Variants in NR1H4 observed in about 807,000 individuals in gnomAD.
The protein encoded by NR1H4 is nuclear receptor subfamily 1 group H member 4.
In NR1H4, 23 loss-of-function variants were observed where a neutral mutation model predicts 58.5. That is an observed-to-expected ratio of 0.39 (90% CI 0.28 to 0.56). The LOEUF (loss-of-function observed/expected upper bound fraction) is 0.56, where lower values mean the gene tolerates loss of function less well. Ranked by LOEUF, NR1H4 falls within the 20% of genes least tolerant of loss-of-function variation. The pLI, the probability that NR1H4 is intolerant of heterozygous loss-of-function variation, is 0.58. For synonymous variants in NR1H4, 214 were observed against 198.0 expected, an observed-to-expected ratio of 1.08 and a Z score of -0.68; for missense variants, 487 against 576.9, an observed-to-expected ratio of 0.84 and a Z score of 1.60.
intron 1 of NR1H4, among the ~76,000 whole-genome samples, chr12:100,474,303 C>G (rs1193274668): frequency 1.3e-5 from 2 of 152,242 alleles, no homozygotes; most frequent in African/African-American, 2.4e-5. Context: ...TAGAAATACT[C>G]TTTTAACATT....
chr12:100,543,252 A>T (rs1240529184), intron 9 of NR1H4, among the ~76,000 whole-genome samples: 1 of 152,166 alleles, frequency 6.6e-6, no homozygotes, highest in East Asian at 1.9e-4. Flanking sequence ...GAATAAAAGA[A>T]TCAGATGATT....
At chr12:100,526,556 T>G (rs1954563099) in intron 4 of NR1H4, among the ~76,000 whole-genome samples, 1 of 152,210 alleles carries the variant, frequency 6.6e-6, no homozygotes, top group Admixed American at 6.5e-5. Context: ...GGTCTATGTT[T>G]GAGAATACTC....
At chr12:100,534,073 T>C (rs1954758179) in intron 5 of NR1H4, among the ~76,000 whole-genome samples, 1 of 151,926 alleles carries the variant, frequency 6.6e-6, no homozygotes, top group Admixed American at 6.6e-5. Flanking sequence ...ATTTTTTGTA[T>C]TTTTAGTAGA....
At chr12:100,518,929 A>C (rs909103104) in intron 4 of NR1H4, among the ~76,000 whole-genome samples, 1 of 151,784 alleles carries the variant, frequency 6.6e-6, no homozygotes, top group East Asian at 1.9e-4. Context: ...CTGGGATTAC[A>C]GGCACCAGCC....
In NR1H4 at chr12:100,533,245, C is replaced by T. The variant is rs142561361; in HGVS notation, c.598+635C>T. ...AATTGGAATGCATGCTAGTATATAA[C>T]ATAATTAATTTTTCATTCTGCAAAT... On this transcript the variant is annotated intron_variant, in intron 5 of 10. Coordinates refer to ENST00000392986, the MANE Select transcript of NR1H4 (RefSeq NM_001206979.2). Among the ~76,000 whole-genome samples the T allele has an allele frequency of 1.7e-3, 252 of 152,304 alleles. 4 individuals carry two copies. The highest frequency in any genetic ancestry group is 0.013 in the East Asian group (67 of 5,188).
At chr12:100,556,817 C>T (rs541955229) in intron 9 of NR1H4, among the ~76,000 whole-genome samples, 2 of 152,222 alleles carry the variant, frequency 1.3e-5, no homozygotes, top group East Asian at 3.9e-4. Context: ...GTACTTCCTG[C>T]ACAGGATTGT....
At chr12:100,520,699 C>G (rs1954393215) in intron 4 of NR1H4, among the ~76,000 whole-genome samples, 2 of 152,192 alleles carry the variant, frequency 1.3e-5, no homozygotes, top group East Asian at 1.9e-4. Context: ...CAGCAAAACT[C>G]CACAATCCCG....
At chr12:100,490,344 T>G (rs1464494357) in intron 1 of NR1H4, among the ~76,000 whole-genome samples, 2 of 152,094 alleles carry the variant, frequency 1.3e-5, no homozygotes, top group Non-Finnish European at 2.9e-5. Flanking sequence ...GGCTCAAGGT[T>G]AAAAAAGACA....
At chr12:100,511,633 A>AG (rs1311317107) in intron 4 of NR1H4, among the ~76,000 whole-genome samples, 1 of 152,218 alleles carries the variant, frequency 6.6e-6, no homozygotes, top group East Asian at 1.9e-4. Context: ...TTACAAAAAA[A>AG]TATTTTAACT....
intron 1 of NR1H4, among the ~76,000 whole-genome samples, chr12:100,482,053 G>A (rs1187369293): frequency 1.3e-5 from 2 of 152,186 alleles, no homozygotes; most frequent in Admixed American, 6.5e-5. Flanking sequence ...AGCGAGCTAA[G>A]ATCGCACCAC....
intron 9 of NR1H4, among the ~76,000 whole-genome samples, chr12:100,543,856 C>G (rs1954995405): frequency 6.6e-6 from 1 of 152,120 alleles, no homozygotes. Context: ...TGGTGGTTCT[C>G]TCTTTATGCA....
In NR1H4 at chr12:100,563,267, G is replaced by T. The variant is rs758698854; in HGVS notation, c.1209G>T (p.Lys403Asn). The change falls in exon 11 of 11, where the codon AAG (lysine) becomes AAT (asparagine). Residue 403 changes from lysine (K) to asparagine (N), a missense_variant. By Grantham distance (94) the Lys-to-Asn change is moderately conservative. Coordinates refer to ENST00000392986, the MANE Select transcript of NR1H4 (RefSeq NM_001206979.2). ...TCAAAACAGATAGACAATACATAAA[G>T]GATAGAGAGGCAGTAGAGAAGCTTC... ...VILSPDRQYI[K>N]DREAVEKLQE... 1.2e-6 allele frequency: 2 copies of T among 1,612,976 alleles called. No individual in the cohort carries two copies. The highest frequency in any genetic ancestry group is 1.7e-5 in the Admixed American group (1 of 60,014).
At chr12:100,529,428 C>A (rs538366263) in intron 4 of NR1H4, among the ~76,000 whole-genome samples, 86 of 152,206 alleles carry the variant, frequency 5.7e-4, no homozygotes, top group African/African-American at 2.0e-3. Context: ...TCATACTGTC[C>A]CCTGTCAAAG....
At chr12:100,476,218 A>G (rs915487338) in intron 1 of NR1H4, among the ~76,000 whole-genome samples, 2 of 152,106 alleles carry the variant, frequency 1.3e-5, no homozygotes, top group African/African-American at 4.8e-5. Context: ...GAAAACTTGA[A>G]ATGGGGAATG....
chr12:100,536,465 CT>C (rs1449102338), intron 6 of NR1H4, 46 bp from the exon 7 acceptor site: 1 of 1,104,198 alleles, frequency 9.1e-7, no homozygotes, highest in Non-Finnish European at 1.4e-6. Context: ...AGAAAGAAGG[CT>C]TTATACACAT....
At chr12:100,554,889 C>G (rs1230709609) in intron 9 of NR1H4, among the ~76,000 whole-genome samples, 3 of 152,162 alleles carry the variant, frequency 2.0e-5, no homozygotes, top group Non-Finnish European at 4.4e-5. Flanking sequence ...ATGGTTAACT[C>G]TGATTGTTGA....
intron 1 of NR1H4, among the ~76,000 whole-genome samples, chr12:100,486,111 G>T (rs1194095830): frequency 6.6e-6 from 1 of 152,082 alleles, no homozygotes; most frequent in Non-Finnish European, 1.5e-5. Context: ...GGGAGTGTCT[G>T]GGTGGTAGTG....
chr12:100,505,841 A>C (rs1473099628), intron 3 of NR1H4: 1 of 454,842 alleles, frequency 2.2e-6, no homozygotes, highest in Non-Finnish European at 3.9e-6. Context: ...TTTTCTGCCA[A>C]TGTTGTATTT....
chr12:100,518,692 A>G (rs1445142231), intron 4 of NR1H4, among the ~76,000 whole-genome samples: 1 of 152,118 alleles, frequency 6.6e-6, no homozygotes, highest in Non-Finnish European at 1.5e-5. Flanking sequence ...AAATGAGCAT[A>G]GCTATATTTC....
Sources: allele counts gnomAD v4.1 joint callset (sites outside exome capture counted in the v4.1 genomes callset), GRCh38; gene constraint gnomAD v4.1.1; transcripts MANE v1.5; gene names NCBI Gene and HGNC (gene_info 2026-07-23, HGNC 2026-07-21).